Variants in AGBL1 observed in about 807,000 individuals in gnomAD.
AGBL1 encodes AGBL carboxypeptidase 1.
In AGBL1, 130 loss-of-function variants were observed where a neutral mutation model predicts 118.9. The observed-to-expected ratio is 1.09, with a 90% CI of 0.95 to 1.26. The LOEUF (loss-of-function observed/expected upper bound fraction) is 1.26. Ranked by LOEUF, AGBL1 falls within the 50% of genes most tolerant of loss-of-function variation. The probability of loss-of-function intolerance (pLI) is 0.00; values close to 1 mark genes in which losing one functional copy is unlikely to be tolerated. For synonymous variants in AGBL1, 555 were observed against 478.9 expected, an observed-to-expected ratio of 1.16 and a Z score of -2.08; for missense variants, 1,584 against 1,298.1, an observed-to-expected ratio of 1.22 and a Z score of -3.38.
intron 22 of AGBL1, among the ~76,000 whole-genome samples, chr15:86,839,234 G>T (rs971729688): frequency 6.6e-6 from 1 of 152,292 alleles, no homozygotes; most frequent in East Asian, 1.9e-4. Context: ...AGAGCAACTT[G>T]TTCTCTGAAA....
intron 22 of AGBL1, among the ~76,000 whole-genome samples, chr15:86,780,501 C>A (rs1173929747): frequency 1.3e-5 from 2 of 152,230 alleles, no homozygotes; most frequent in East Asian, 3.9e-4. Flanking sequence ...AAACTCCCAC[C>A]AAAAGTACAT....
chr15:86,787,592 T>C (rs576982263), intron 22 of AGBL1, among the ~76,000 whole-genome samples: 1 of 152,340 alleles, frequency 6.6e-6, no homozygotes, highest in South Asian at 2.1e-4. Flanking sequence ...TGTCAGGATC[T>C]TCTTTTTTAA....
intron 17 of AGBL1, among the ~76,000 whole-genome samples, chr15:86,332,224 C>A (rs2080281920): frequency 1.3e-5 from 2 of 152,180 alleles, no homozygotes; most frequent in Non-Finnish European, 2.9e-5. Flanking sequence ...CTTAAATACT[C>A]AACATTGGAA....
intron 1 of AGBL1, among the ~76,000 whole-genome samples, chr15:86,097,889 C>A (rs1368745653): frequency 6.6e-6 from 1 of 152,204 alleles, no homozygotes; most frequent in East Asian, 1.9e-4. Flanking sequence ...TTTTAGAAAT[C>A]TCCATACTGT....
intron 23 of AGBL1, among the ~76,000 whole-genome samples, chr15:86,933,499 A>G (rs561455526): frequency 6.6e-6 from 1 of 152,208 alleles, no homozygotes; most frequent in South Asian, 2.1e-4. Context: ...TCTCATCTCT[A>G]TTGTAGAACC....
intron 18 of AGBL1, among the ~76,000 whole-genome samples, chr15:86,438,960 C>T (rs1761063556): frequency 1.3e-5 from 2 of 152,136 alleles, no homozygotes; most frequent in East Asian, 1.9e-4. Flanking sequence ...TGTGCATGGT[C>T]TGATAGTCTG....
intron 18 of AGBL1, among the ~76,000 whole-genome samples, chr15:86,501,973 T>TA (rs1184515319): frequency 3.3e-5 from 5 of 151,622 alleles, no homozygotes; most frequent in East Asian, 1.9e-4. Flanking sequence ...ATTTTGAAAA[T>TA]AAAAAAACCC....
chr15:86,134,526 C>T (rs1177913820), intron 1 of AGBL1, among the ~76,000 whole-genome samples: 1 of 150,276 alleles, frequency 6.7e-6, no homozygotes, highest in Admixed American at 6.7e-5. Flanking sequence ...TGGATCTAGA[C>T]TTGTGGAGAA....
At chr15:86,802,967 C>G (rs965662003) in intron 22 of AGBL1, among the ~76,000 whole-genome samples, 22 of 152,100 alleles carry the variant, frequency 1.4e-4, no homozygotes, top group African/African-American at 5.3e-4. Flanking sequence ...ATGTGTGACC[C>G]ATTATTTGGA....
intron 22 of AGBL1, among the ~76,000 whole-genome samples, chr15:86,888,731 T>C (rs184875189): frequency 1.3e-5 from 2 of 148,382 alleles, no homozygotes; most frequent in East Asian, 3.9e-4. Context: ...CTTTAAAACA[T>C]AGCATTCATG....
At chr15:86,692,806 T>C (rs569526902) in intron 22 of AGBL1, among the ~76,000 whole-genome samples, 3 of 152,296 alleles carry the variant, frequency 2.0e-5, no homozygotes, top group South Asian at 4.1e-4. Flanking sequence ...GTCATTCTTA[T>C]GCCTTTGCAT....
intron 24 of AGBL1, among the ~76,000 whole-genome samples, chr15:87,015,655 C>T (rs2081602292): frequency 6.6e-6 from 1 of 152,070 alleles, no homozygotes; most frequent in Non-Finnish European, 1.5e-5. Flanking sequence ...TATTTATCTC[C>T]TAAAGCATTT....
At chr15:86,519,610 G>A (rs1210004984) in intron 18 of AGBL1, among the ~76,000 whole-genome samples, 1 of 152,162 alleles carries the variant, frequency 6.6e-6, no homozygotes, top group African/African-American at 2.4e-5. Context: ...ATAATAACCT[G>A]CATTTGCATA....
intron 17 of AGBL1, among the ~76,000 whole-genome samples, chr15:86,396,156 TA>T (rs2081357834): frequency 6.8e-6 from 1 of 147,946 alleles, no homozygotes; most frequent in African/African-American, 2.5e-5. Flanking sequence ...TGTATATATA[TA>T]TATATAAAAT....
chr15:87,017,516 T>C (rs1370050606), intron 24 of AGBL1, among the ~76,000 whole-genome samples: 4 of 152,112 alleles, frequency 2.6e-5, no homozygotes, highest in Non-Finnish European at 5.9e-5. Context: ...CTAGGGTCCA[T>C]AGTGGACCCC....
At chr15:86,504,647 A>C (rs1355036916) in intron 18 of AGBL1, among the ~76,000 whole-genome samples, 1 of 151,608 alleles carries the variant, frequency 6.6e-6, no homozygotes, top group Non-Finnish European at 1.5e-5. Flanking sequence ...AAACAAACTT[A>C]ATTGCAATAG....
intron 22 of AGBL1, among the ~76,000 whole-genome samples, chr15:86,712,458 A>C (rs1480825667): frequency 6.6e-6 from 1 of 152,152 alleles, no homozygotes. Context: ...GAGATTAGGC[A>C]ATTGGGCTTC....
rs190956658 is a variant in AGBL1 at position 86,388,964 on chromosome 15, A to G, written c.2375-8402A>G. On this transcript the variant is annotated intron_variant, in intron 17 of 22. Coordinates refer to ENST00000614907, the MANE Select transcript of AGBL1 (RefSeq NM_001386094.1). The stretch of plus-strand genomic sequence containing the variant: ...TCAGAATTATTTGTTACTATGTCAT[A>G]TATCTACCAGTTGTAATAACATGGC... 3.1e-3 allele frequency among the ~76,000 whole-genome samples: 466 copies of G among 152,324 alleles called. 4 individuals are homozygous for G. The highest frequency in any genetic ancestry group is 0.014 in the Middle Eastern group (4 of 294).
chr15:86,371,421 A>G (rs1329692811), intron 17 of AGBL1, among the ~76,000 whole-genome samples: 3 of 152,142 alleles, frequency 2.0e-5, no homozygotes, highest in African/African-American at 7.2e-5. Context: ...CCACCCCTCA[A>G]GTCTTGGCTC....
Sources: gnomAD v4.1 joint callset for allele counts (sites outside exome capture counted in the v4.1 genomes callset) on GRCh38, gnomAD v4.1.1 for gene constraint, MANE v1.5 for transcripts, NCBI Gene and HGNC (gene_info 2026-07-23, HGNC 2026-07-21) for gene names.